The following PARD3B variants were observed in gnomAD, a reference collection of about 807,000 sequenced individuals.
The protein encoded by PARD3B is partitioning defective 3 homolog B.
A neutral mutation model predicts 130.2 loss-of-function variants in PARD3B; 103 were observed. That is an observed-to-expected ratio of 0.79 (90% CI 0.67 to 0.93). The LOEUF (loss-of-function observed/expected upper bound fraction) is 0.93, where lower values mean the gene tolerates loss of function less well. Among genes scored for constraint, PARD3B ranks in the 40% least tolerant of loss-of-function variants. The probability of loss-of-function intolerance (pLI) is 0.00; values close to 1 mark genes in which losing one functional copy is unlikely to be tolerated. For missense variants in PARD3B, 1,609 were observed against 1,499.2 expected, an observed-to-expected ratio of 1.07 and a Z score of -1.21; for synonymous variants, 583 against 553.2, an observed-to-expected ratio of 1.05 and a Z score of -0.76.
At chr2:205,256,363 C>A (rs1395187533) in intron 16 of PARD3B, among the ~76,000 whole-genome samples, 1 of 152,080 alleles carries the variant, frequency 6.6e-6, no homozygotes, top group Non-Finnish European at 1.5e-5. Flanking sequence ...GTATACCAGG[C>A]TCTTTGCCAA....
chr2:205,227,326 T>A (rs2038609334), intron 15 of PARD3B, among the ~76,000 whole-genome samples: 1 of 152,212 alleles, frequency 6.6e-6, no homozygotes, highest in South Asian at 2.1e-4. Flanking sequence ...CCTCTTTAGC[T>A]TTAGTAATAT....
intron 2 of PARD3B, among the ~76,000 whole-genome samples, chr2:204,865,121 A>T (rs1368484897): frequency 1.3e-5 from 2 of 152,184 alleles, no homozygotes; most frequent in East Asian, 3.9e-4. Flanking sequence ...ATAAAAAAAA[A>T]TAGATGTTGG....
At chr2:205,451,033 T>G (rs2048082983) in intron 20 of PARD3B, among the ~76,000 whole-genome samples, 1 of 152,178 alleles carries the variant, frequency 6.6e-6, no homozygotes, top group African/African-American at 2.4e-5. Flanking sequence ...ATAACAACAG[T>G]GTCAAGTCAG....
chr2:205,505,061 T>TA (rs2050301474), intron 21 of PARD3B, among the ~76,000 whole-genome samples: 1 of 152,132 alleles, frequency 6.6e-6, no homozygotes, highest in Non-Finnish European at 1.5e-5. Context: ...TATGCAGCCA[T>TA]AAAAAATGAT....
intron 20 of PARD3B, among the ~76,000 whole-genome samples, chr2:205,445,021 AAGAG>A (rs1446699113): frequency 3.9e-5 from 6 of 152,126 alleles, no homozygotes; most frequent in African/African-American, 2.4e-5. Context: ...CTTGGTGACA[AAGAG>A]AGAGCAGAGT....
At chr2:204,771,504 G>T (rs1266439046) in intron 2 of PARD3B, among the ~76,000 whole-genome samples, 1 of 152,006 alleles carries the variant, frequency 6.6e-6, no homozygotes. Flanking sequence ...GGCAACAATA[G>T]ACACTAAGGA....
chr2:204,795,090 A>G lies in PARD3B; in HGVS notation c.222+108808A>G, dbSNP rs2042324523. ...TAAACATTAAACAATGATCGGGTTA[A>G]ATGCTTATATTTTGTCTTGCTGGTT... is the stretch of plus-strand genomic sequence containing the variant. On this transcript the variant is annotated intron_variant, in intron 2 of 22. Coordinates refer to ENST00000406610, the MANE Select transcript of PARD3B (RefSeq NM_001302769.2). Among the ~76,000 whole-genome samples, 6 of 152,176 alleles carry G rather than the reference A, an allele frequency of 3.9e-5. No homozygotes were observed. In the South Asian group the frequency reaches 1.2e-3, roughly 31 times the overall value.
chr2:204,803,132 A>T (rs1278596694), intron 2 of PARD3B, among the ~76,000 whole-genome samples: 2 of 134,698 alleles, frequency 1.5e-5, no homozygotes, highest in East Asian at 4.1e-4. Flanking sequence ...TAATGTATTT[A>T]AAGTGCTGAA....
chr2:204,934,679 A>G (rs180740470), intron 2 of PARD3B, among the ~76,000 whole-genome samples: 95 of 152,266 alleles, frequency 6.2e-4, no homozygotes, highest in African/African-American at 2.0e-3. Flanking sequence ...AAAATGTTCT[A>G]TTTCCCTTTA....
intron 2 of PARD3B, among the ~76,000 whole-genome samples, chr2:204,688,022 C>T (rs1343944146): frequency 2.6e-5 from 4 of 152,102 alleles, no homozygotes; most frequent in African/African-American, 7.2e-5. Flanking sequence ...TAACCATAAT[C>T]CACTTACTAC....
At chr2:205,556,816 G>A (rs932487631) in intron 22 of PARD3B, among the ~76,000 whole-genome samples, 5 of 152,160 alleles carry the variant, frequency 3.3e-5, no homozygotes, top group Non-Finnish European at 5.9e-5. Context: ...GGTGAGTAGG[G>A]AAGTGGCTGT....
chr2:204,960,952 C>T (rs1690695393), intron 2 of PARD3B, among the ~76,000 whole-genome samples: 1 of 152,186 alleles, frequency 6.6e-6, no homozygotes, highest in Non-Finnish European at 1.5e-5. Context: ...AGAAGCCTTG[C>T]AGGTGCCTGG....
In PARD3B at chr2:205,572,814, C is replaced by G. The variant is rs2053606201; in HGVS notation, c.3260+19411C>G. 6.6e-6 allele frequency among the ~76,000 whole-genome samples: 1 copy of G among 152,118 alleles called. No individual in the cohort carries two copies. The highest frequency in any genetic ancestry group is 1.9e-4 in the East Asian group (1 of 5,182). The stretch of plus-strand genomic sequence containing the variant: ...CATTGTGAAACTGTTTATGTGGTCC[C>G]TACAAAAGATGCTGAAAGCCTGAAA... On this transcript the variant is annotated intron_variant, in intron 22 of 22. Transcript: ENST00000406610. The surrounding 1 kb of genome is among the most constrained non-coding windows in gnomAD (Gnocchi z 4.2).
chr2:204,726,822 G>A (rs765672511), intron 2 of PARD3B, among the ~76,000 whole-genome samples: 4 of 151,988 alleles, frequency 2.6e-5, no homozygotes, highest in Non-Finnish European at 4.4e-5. Flanking sequence ...TCTCTGCTGC[G>A]TGGACTCATC....
intron 2 of PARD3B, among the ~76,000 whole-genome samples, chr2:204,847,850 G>T (rs759986779): frequency 6.6e-6 from 1 of 152,156 alleles, no homozygotes; most frequent in Non-Finnish European, 1.5e-5. Context: ...GGAAAACATC[G>T]TATGCTGAGG....
chr2:205,607,635 T>TAG (rs1464889346), intron 22 of PARD3B, among the ~76,000 whole-genome samples: 2 of 152,212 alleles, frequency 1.3e-5, no homozygotes, highest in African/African-American at 4.8e-5. Context: ...CATGCTGCTG[T>TAG]GCTCAGCAGG....
chr2:204,753,420 A>G (rs558655260), intron 2 of PARD3B, among the ~76,000 whole-genome samples: 5 of 152,282 alleles, frequency 3.3e-5, no homozygotes, highest in African/African-American at 1.2e-4. Flanking sequence ...ATAGCTAAAA[A>G]TACTGCAGGT....
At chr2:205,615,382 G>C in intron 22 of PARD3B, 74 bp from the exon 23 acceptor site, 1 of 1,310,320 alleles carries the variant, frequency 7.6e-7, no homozygotes, top group Non-Finnish European at 1.1e-6. Context: ...CTGCACAGGA[G>C]GCTGAGGAAC....
At chr2:205,337,199 G>A (rs900469992) in intron 18 of PARD3B, among the ~76,000 whole-genome samples, 1 of 152,200 alleles carries the variant, frequency 6.6e-6, no homozygotes, top group Non-Finnish European at 1.5e-5. Flanking sequence ...CAGCAACACA[G>A]TTTGGTGAAG....
Sources: gnomAD v4.1 joint callset for allele counts (sites outside exome capture counted in the v4.1 genomes callset) on GRCh38, gnomAD v4.1.1 for gene constraint, Gnocchi (gnomAD v3.1) non-coding constraint, MANE v1.5 for transcripts, NCBI Gene and HGNC (gene_info 2026-07-23, HGNC 2026-07-21) for gene names.